Variants in PARVA observed in about 807,000 individuals in gnomAD.
PARVA encodes the protein parvin alpha, also known as alpha-parvin.
A neutral mutation model predicts 52.6 loss-of-function variants in PARVA; 25 were observed. The observed-to-expected ratio is 0.48, with a 90% CI of 0.35 to 0.66. The LOEUF (loss-of-function observed/expected upper bound fraction) is 0.66, where lower values mean the gene tolerates loss of function less well. Ranked by LOEUF, PARVA falls within the 30% of genes least tolerant of loss-of-function variation. PARVA has a pLI of 0.01. For synonymous variants in PARVA, 185 were observed against 179.1 expected (o/e 1.03, Z -0.26); for missense variants, 373 against 450.9 (o/e 0.83, Z 1.56).
chr11:12,500,634 T>C (rs760352627), intron 5 of PARVA, among the ~76,000 whole-genome samples: 35 of 138,328 alleles, frequency 2.5e-4, no homozygotes, highest in Non-Finnish European at 5.3e-4. Flanking sequence ...TACTAAAAAA[T>C]ACAAAAATTA....
intron 4 of PARVA, among the ~76,000 whole-genome samples, chr11:12,486,519 G>C (rs1229585366): frequency 1.3e-5 from 2 of 151,418 alleles, no homozygotes; most frequent in African/African-American, 4.9e-5. Context: ...CACAACAAGA[G>C]CGAAACTCTG....
At chr11:12,390,450 G>A (rs917546231) in intron 1 of PARVA, among the ~76,000 whole-genome samples, 2 of 152,220 alleles carry the variant, frequency 1.3e-5, no homozygotes, top group African/African-American at 4.8e-5. Context: ...TTGAGTGCCT[G>A]AGTCCTGAAT....
chr11:12,420,854 C>A (rs911623604), intron 1 of PARVA, among the ~76,000 whole-genome samples: 16 of 152,146 alleles, frequency 1.1e-4, no homozygotes, highest in African/African-American at 3.9e-4. Flanking sequence ...AATGGCATAA[C>A]TAGCATTCAA....
chr11:12,531,219 G>C lies in PARVA; in HGVS notation c.*3294G>C, dbSNP rs1349493619. ...TGCAGGCACAGAGATGACATTTCCC[G>C]ATCTGGGAGAAGGCTTCTTTATCAG... On this transcript the variant is annotated 3_prime_UTR_variant, in exon 13 of 13. Transcript: ENST00000334956. Among the ~76,000 whole-genome samples, 1 of 152,188 alleles carries C rather than the reference G, an allele frequency of 6.6e-6. No individual in the cohort carries two copies. The highest frequency in any genetic ancestry group is 6.5e-5 in the Admixed American group (1 of 15,280).
At chr11:12,442,083 C>T (rs1014673065) in intron 1 of PARVA, among the ~76,000 whole-genome samples, 16 of 152,198 alleles carry the variant, frequency 1.1e-4, no homozygotes, top group Non-Finnish European at 2.1e-4. Flanking sequence ...TTACTTGATG[C>T]GTGGACCAGT....
At chr11:12,523,088 T>G (rs1388064230) in intron 12 of PARVA, among the ~76,000 whole-genome samples, 1 of 152,090 alleles carries the variant, frequency 6.6e-6, no homozygotes, top group Non-Finnish European at 1.5e-5. Context: ...TTTTTCTGGA[T>G]GTATGTCATA....
chr11:12,450,049 T>G (rs1940602647), intron 1 of PARVA, among the ~76,000 whole-genome samples: 1 of 152,258 alleles, frequency 6.6e-6, no homozygotes, highest in South Asian at 2.1e-4. Flanking sequence ...GAAGAATTGT[T>G]GTTATCCCAT....
chr11:12,524,002 G>A (rs1330006307), intron 12 of PARVA, among the ~76,000 whole-genome samples: 7 of 152,194 alleles, frequency 4.6e-5, no homozygotes, highest in Non-Finnish European at 1.0e-4. Context: ...ATAAGAACAG[G>A]TGATAAGTGA....
chr11:12,533,357 C>T lies in PARVA; in HGVS notation c.*5432C>T, dbSNP rs957797255. Among the ~76,000 whole-genome samples the T allele has an allele frequency of 6.6e-6, 1 of 152,178 alleles. No homozygotes were observed. Among genetic ancestry groups the T allele is most frequent in the Admixed American group, 6.5e-5 (1 of 15,274 alleles). On this transcript the variant is annotated 3_prime_UTR_variant, in exon 13 of 13. Coordinates refer to ENST00000334956, the MANE Select transcript of PARVA (RefSeq NM_018222.5). Reference sequence around the variant, plus strand: ...CCCACCATTCAGCCTGTGGGCTTGACAAACTATAAGCAAGCCTCCTGGATG... The same window carrying T: ...CCCACCATTCAGCCTGTGGGCTTGATAAACTATAAGCAAGCCTCCTGGATG...
rs77636622 is a variant in PARVA, at chr11:12,533,291, C to A, written c.*5366C>A. 0.024 allele frequency among the ~76,000 whole-genome samples: 3,701 copies of A among 152,278 alleles called. 150 individuals are homozygous for A. Among genetic ancestry groups the A allele is most frequent in the African/African-American group, 0.084 (3,498 of 41,538 alleles). Reference sequence around the variant, plus strand: ...ACCAGTGCTTCCAGCCCTCTCACCTCGGAGGAGGACTCCTGTTTTACCAAC... The same window carrying A: ...ACCAGTGCTTCCAGCCCTCTCACCTAGGAGGAGGACTCCTGTTTTACCAAC... On this transcript the variant is annotated 3_prime_UTR_variant, in exon 13 of 13. Coordinates refer to ENST00000334956, the MANE Select transcript of PARVA (RefSeq NM_018222.5).
chr11:12,378,364 T>C (rs775083915), intron 1 of PARVA, among the ~76,000 whole-genome samples: 2 of 151,798 alleles, frequency 1.3e-5, no homozygotes, highest in Non-Finnish European at 2.9e-5. Context: ...GTTAATGGAG[T>C]AGGTGGACAT....
chr11:12,381,951 A>T (rs1016978527), intron 1 of PARVA, among the ~76,000 whole-genome samples: 1 of 151,962 alleles, frequency 6.6e-6, no homozygotes, highest in Non-Finnish European at 1.5e-5. Flanking sequence ...GGTGTTAGTC[A>T]AGGTTTATGG....
chr11:12,467,619 A>G (rs1006610208), intron 1 of PARVA, among the ~76,000 whole-genome samples: 3 of 152,198 alleles, frequency 2.0e-5, no homozygotes, highest in Non-Finnish European at 2.9e-5. Flanking sequence ...TTAGCTGCCA[A>G]GAGCTTCTGT....
chr11:12,438,342 G>T (rs1290728277), intron 1 of PARVA, among the ~76,000 whole-genome samples: 1 of 152,094 alleles, frequency 6.6e-6, no homozygotes, highest in East Asian at 1.9e-4. Flanking sequence ...AGATTGAGGG[G>T]CTTCATCTGG....
chr11:12,502,216 A>T (rs1941371220), intron 5 of PARVA, among the ~76,000 whole-genome samples: 1 of 152,208 alleles, frequency 6.6e-6, no homozygotes, highest in Non-Finnish European at 1.5e-5. Flanking sequence ...GCTGCTGTTC[A>T]TAATCAGTAG....
intron 1 of PARVA, among the ~76,000 whole-genome samples, chr11:12,443,556 T>C (rs1158776428): frequency 6.6e-6 from 1 of 151,602 alleles, no homozygotes; most frequent in East Asian, 2.0e-4. Context: ...TCAAAGGAAC[T>C]ACTGAACTCT....
chr11:12,498,282 C>A (rs1474359264), intron 5 of PARVA, among the ~76,000 whole-genome samples: 1 of 152,068 alleles, frequency 6.6e-6, no homozygotes, highest in African/African-American at 2.4e-5. Context: ...GCAGTCCACC[C>A]GCCTCGGCCT....
At chr11:12,411,879 C>A (rs1295423344) in intron 1 of PARVA, among the ~76,000 whole-genome samples, 1 of 152,138 alleles carries the variant, frequency 6.6e-6, no homozygotes, top group East Asian at 1.9e-4. Context: ...CCCACATCAC[C>A]AGCCTGCTTT....
chr11:12,410,294 C>G (rs1309463393), intron 1 of PARVA, among the ~76,000 whole-genome samples: 2 of 152,210 alleles, frequency 1.3e-5, no homozygotes, highest in Non-Finnish European at 1.5e-5. Context: ...AGGGCTCAGC[C>G]CACAGGCCTC....
Sources: allele counts gnomAD v4.1 joint callset (sites outside exome capture counted in the v4.1 genomes callset), GRCh38; gene constraint gnomAD v4.1.1; transcripts MANE v1.5; gene names NCBI Gene and HGNC (gene_info 2026-07-23, HGNC 2026-07-21).